FANCI: variants seen among roughly 807,000 people sequenced by gnomAD.
The protein encoded by FANCI is Fanconi anemia group I protein.
A neutral mutation model predicts 176.1 loss-of-function variants in FANCI; 156 were observed. The ratio of observed to expected loss-of-function variants is 0.89; its 90% CI spans 0.78 to 1.01. The LOEUF (loss-of-function observed/expected upper bound fraction) is 1.01. Ranked by LOEUF, FANCI falls within the 50% of genes least tolerant of loss-of-function variation. The pLI, the probability that FANCI is intolerant of heterozygous loss-of-function variation, is 0.00. For synonymous variants in FANCI, 613 were observed against 541.7 expected (o/e 1.13, Z -1.83); for missense variants, 1,678 against 1,534.1 (o/e 1.09, Z -1.57).
intron 16 of FANCI, 25 bp from the exon 17 acceptor site, chr15:89,283,111 G>C: frequency 1.2e-6 from 2 of 1,613,312 alleles, no homozygotes; most frequent in Non-Finnish European, 1.7e-6. Context: ...AGTACTGTTT[G>C]TTAACTTCTC....
rs117185988 is a variant in FANCI, at chr15:89,302,221, G to A, written c.3006+779G>A. On this transcript the variant is annotated intron_variant, in intron 27 of 37. Transcript: ENST00000310775. ...TGCCTCAGAAGACTGTAGCCTGGGA[G>A]TATGAAGGCGTTTGGGCACTAGAAA... Among the ~76,000 whole-genome samples the A allele has an allele frequency of 2.7e-3, 408 of 152,294 alleles. 8 individuals carry two copies. Among genetic ancestry groups the A allele is most frequent in the East Asian group, 0.015 (76 of 5,170 alleles).
chr15:89,290,479 T>A, intron 19 of FANCI, 198 bp downstream of exon 19: 1 of 584,292 alleles, frequency 1.7e-6, no homozygotes. Flanking sequence ...AATACCATCA[T>A]CTAGCAGTTA....
In FANCI at chr15:89,281,449, C is replaced by T. The variant is rs143532560; in HGVS notation, c.1512+149C>T. 5.9e-4 allele frequency: 564 copies of T among 960,478 alleles called. 3 individuals carry two copies. The East Asian group carries it at 0.014, about 23-fold the overall frequency. The allele number at this position is 960,478 out of a possible 1,614,324, so 59.5% of individuals were successfully genotyped here. A position where few individuals can be genotyped will look rare whatever the true frequency, so the allele number is the denominator to read the frequency against. On this transcript the variant is annotated intron_variant, in intron 15 of 37. Coordinates refer to ENST00000310775, the MANE Select transcript of FANCI (RefSeq NM_001113378.2). ...AAAATTTGCATTAAAAGGGCAAGAG[C>T]ATTGAGCAAGACTGTTTTCCAGGTT... is the stretch of plus-strand genomic sequence containing the variant.
Position 89,306,186 on chromosome 15 carries a change from G to T in FANCI, c.3529G>T (p.Val1177Phe). 6.2e-7 allele frequency: 1 copy of T among 1,614,110 alleles called. No individual in the cohort carries two copies. Among genetic ancestry groups the T allele is most frequent in the South Asian group, 1.1e-5 (1 of 91,086 alleles). The change falls in exon 32 of 38, where the codon GTC becomes TTC. Residue 1177 changes from valine to phenylalanine, a missense_variant. This residue lies in a region of FANCI where 1,204 missense variants were observed against 1,077.4 expected (regional missense o/e 1.12). Transcript: ENST00000310775. ...CKMYTTLTAL[V>F]RYYLQVCQSS... ...AATGTACACCACACTTACAGCCCTTGTCAGATATGTGAGTATTTGAGACAA... is the reference window on the plus strand; with the variant it reads ...AATGTACACCACACTTACAGCCCTTTTCAGATATGTGAGTATTTGAGACAA...
At chr15:89,286,246 G>T (rs936840600) in intron 18 of FANCI, among the ~76,000 whole-genome samples, 2 of 152,160 alleles carry the variant, frequency 1.3e-5, no homozygotes, top group Non-Finnish European at 2.9e-5. Context: ...ACCTGTCTCG[G>T]CATCCCAAAG....
intron 34 of FANCI, among the ~76,000 whole-genome samples, chr15:89,310,261 C>T (rs540436823): frequency 4.9e-4 from 74 of 152,310 alleles, no homozygotes; most frequent in African/African-American, 1.7e-3. Context: ...ACGAGCATGG[C>T]TATGTTCCAA....
At chr15:89,309,316 T>C in intron 34 of FANCI, among the ~76,000 whole-genome samples, 1 of 152,088 alleles carries the variant, frequency 6.6e-6, no homozygotes. Context: ...CATCTCCAAG[T>C]CTTAATGATA....
intron 12 of FANCI, 68 bp from the exon 13 acceptor site, chr15:89,276,643 C>A: frequency 6.5e-7 from 1 of 1,542,630 alleles, no homozygotes; most frequent in Non-Finnish European, 9.0e-7. Flanking sequence ...TATAACAGGG[C>A]AATGAGTATA....
rs756093697 is a variant in FANCI, at chr15:89,254,484, A to G, written c.85-4220A>G. Among the ~76,000 whole-genome samples, 3 of 152,218 alleles carry G rather than the reference A, an allele frequency of 2.0e-5. No homozygotes were observed. In the East Asian group the frequency reaches 5.8e-4, roughly 29 times the overall value. Reference sequence around the variant, plus strand: ...CAAATCTGGGACTATTTGAGCATCAAAATAAGTTCAATAATGAACCATTGA... The same window carrying G: ...CAAATCTGGGACTATTTGAGCATCAGAATAAGTTCAATAATGAACCATTGA... On this transcript the variant is annotated intron_variant, in intron 2 of 37. Coordinates refer to ENST00000310775, the MANE Select transcript of FANCI (RefSeq NM_001113378.2).
chr15:89,300,068 C>T, intron 25 of FANCI, 102 bp downstream of exon 25: 1 of 1,351,884 alleles, frequency 7.4e-7, no homozygotes, highest in African/African-American at 1.4e-5. Flanking sequence ...TGAGAACAGT[C>T]CTAATGTTGC....
At chr15:89,263,141 AC>A (rs1194714028) in intron 6 of FANCI, among the ~76,000 whole-genome samples, 5 of 152,330 alleles carry the variant, frequency 3.3e-5, no homozygotes, top group Admixed American at 2.6e-4. Context: ...AAAGTTGATA[AC>A]TACTGCCAGC....
In FANCI at chr15:89,316,604, G is replaced by C. The variant is rs984726831; in HGVS notation, c.*145G>C. ...AATTCAACTGCACCTTCAGTTAGAAGGAATCTTCTTGGCAGGTCCTGCTAC... is the reference window on the plus strand; with the variant it reads ...AATTCAACTGCACCTTCAGTTAGAACGAATCTTCTTGGCAGGTCCTGCTAC... On this transcript the variant is annotated 3_prime_UTR_variant, in exon 38 of 38. Transcript: ENST00000310775. The C allele has an allele frequency of 2.7e-6, 3 of 1,110,252 alleles. No homozygotes were observed. The highest frequency in any genetic ancestry group is 4.1e-6 in the Non-Finnish European group (3 of 739,126). 68.8% of individuals were successfully genotyped at this position (1,110,252 alleles called of 1,614,324 possible).
At chr15:89,302,023 G>C (rs777413891) in intron 27 of FANCI, among the ~76,000 whole-genome samples, 8 of 152,206 alleles carry the variant, frequency 5.3e-5, no homozygotes, top group Non-Finnish European at 7.3e-5. Flanking sequence ...TTCACACACA[G>C]AAGAATAAGA....
intron 2 of FANCI, among the ~76,000 whole-genome samples, chr15:89,252,374 A>T (rs1212579255): frequency 1.3e-5 from 2 of 152,194 alleles, no homozygotes; most frequent in Non-Finnish European, 2.9e-5. Context: ...AACCCTGGAG[A>T]ATCTGTGATA....
rs1392666911 is a variant in FANCI, at chr15:89,313,924, C to CAA, written c.3721-687_3721-686insAA. 8.1e-5 allele frequency among the ~76,000 whole-genome samples: 12 copies of CAA among 148,524 alleles called. 1 individual carries two copies. In the East Asian group the frequency reaches 2.1e-3, roughly 27 times the overall value. On this transcript the variant is annotated intron_variant, in intron 35 of 37. Transcript: ENST00000310775. ...ATACACACACACACACACACACACA[C>CAA]ACGTAGGACCTACAAATTACAATTC... is the stretch of plus-strand genomic sequence containing the variant.
At chr15:89,281,374 G>A (rs889701263) in intron 15 of FANCI, 74 bp downstream of exon 15, 15 of 1,536,694 alleles carry the variant, frequency 9.8e-6, no homozygotes, top group East Asian at 4.5e-5. Context: ...ATGCATTTTT[G>A]TATAAATATA....
chr15:89,260,692 C>T (rs374183764), intron 3 of FANCI, 21 bp from the exon 4 acceptor site: 2 of 1,610,826 alleles, frequency 1.2e-6, no homozygotes, highest in Middle Eastern at 1.7e-4. Flanking sequence ...TGTTTCTGAA[C>T]CCCCTGTTTA....
chr15:89,299,004 C>G lies in FANCI; in HGVS notation c.2637-796C>G, dbSNP rs2054423374. On this transcript the variant is annotated intron_variant, in intron 24 of 37. Coordinates refer to ENST00000310775, the MANE Select transcript of FANCI (RefSeq NM_001113378.2). ...TGGCCAACATGGTGAAACCCCAGCT[C>G]TACTAAAAAAAATACAAAAATTAGC... Among the ~76,000 whole-genome samples, 4 of 151,900 alleles carry G rather than the reference C, an allele frequency of 2.6e-5. No homozygotes were observed. In the South Asian group the frequency reaches 8.3e-4, roughly 32 times the overall value.
intron 18 of FANCI, among the ~76,000 whole-genome samples, chr15:89,287,333 C>T (rs28807171): frequency 7.0e-4 from 106 of 152,310 alleles, no homozygotes; most frequent in African/African-American, 2.3e-3. Flanking sequence ...CCAACCTCTG[C>T]TCGCTTCAGC....
Sources: allele counts gnomAD v4.1 joint callset (sites outside exome capture counted in the v4.1 genomes callset), GRCh38; gene constraint gnomAD v4.1.1; regional missense constraint gnomAD v4.1.1; transcripts MANE v1.5; gene names NCBI Gene and HGNC (gene_info 2026-07-23, HGNC 2026-07-21).